Variants in ATG4C observed in about 807,000 individuals in gnomAD.
ATG4C encodes the protein autophagy related 4C cysteine peptidase.
In ATG4C, 56 loss-of-function variants were observed where a neutral mutation model predicts 57.6. The observed-to-expected ratio is 0.97, with a 90% CI of 0.78 to 1.21. The LOEUF is 1.21. Among genes scored for constraint, ATG4C ranks in the 50% most tolerant of loss-of-function variants. The probability of loss-of-function intolerance (pLI) is 0.00; values close to 1 mark genes in which losing one functional copy is unlikely to be tolerated. For missense variants in ATG4C, 595 were observed against 529.8 expected (o/e 1.12, Z -1.21); for synonymous variants, 157 against 174.1 (o/e 0.90, Z 0.78).
At chr1:62,823,273 C>T (rs889322323) in intron 6 of ATG4C, among the ~76,000 whole-genome samples, 2 of 152,210 alleles carry the variant, frequency 1.3e-5, no homozygotes, top group African/African-American at 4.8e-5. Flanking sequence ...TTTAAAAGTA[C>T]ACTTACTGTT....
At chr1:62,803,178 G>A (rs1664739942) in intron 1 of ATG4C, among the ~76,000 whole-genome samples, 1 of 152,242 alleles carries the variant, frequency 6.6e-6, no homozygotes, top group East Asian at 1.9e-4. Flanking sequence ...TTTAAGTGCT[G>A]CAGTATGGAG....
intron 7 of ATG4C, among the ~76,000 whole-genome samples, chr1:62,833,553 A>ATT (rs1471945765): frequency 6.6e-6 from 1 of 152,184 alleles, no homozygotes; most frequent in Non-Finnish European, 1.5e-5. Context: ...AGCATAAAAA[A>ATT]TTTGAGTGAA....
chr1:62,806,946 T>C (rs951351764), intron 3 of ATG4C, among the ~76,000 whole-genome samples: 9 of 152,250 alleles, frequency 5.9e-5, no homozygotes, highest in African/African-American at 1.7e-4. Flanking sequence ...ATATCATTTT[T>C]GGTTCAAACA....
rs570880678 is a variant in ATG4C at position 62,801,121 on chromosome 1, A to G, written c.-68-2598A>G. ...TTTCAGCATATGCTGCATGTGAAGT[A>G]GTAAAAGAGGAAGCTGAGTAAGTAG... On this transcript the variant is annotated intron_variant, in intron 1 of 10. Transcript: ENST00000317868. Among the ~76,000 whole-genome samples the G allele has an allele frequency of 9.2e-5, 14 of 152,338 alleles. No homozygotes were observed. In the East Asian group the frequency reaches 2.7e-3, roughly 29 times the overall value.
rs577132918 is a variant in ATG4C, at chr1:62,822,823, T to A, written c.796+1614T>A. ...TTGCATCTATTTTTATGGCTTTAAA[T>A]ACTTAGGACTATGTACTCTATACTA... On this transcript the variant is annotated intron_variant, in intron 6 of 10. Coordinates refer to ENST00000317868, the MANE Select transcript of ATG4C (RefSeq NM_032852.4). Among the ~76,000 whole-genome samples, 100 of 152,336 alleles carry A rather than the reference T, an allele frequency of 6.6e-4. 2 individuals carry two copies. In the South Asian group the frequency reaches 6.6e-3, roughly 10 times the overall value.
rs147581076 is a variant in ATG4C at position 62,854,528 on chromosome 1, C to T, written c.1210-9464C>T. ...TCCTGACCTTGTGATCCTCCCACCTCGGCCTCCCAAAGTGCTGGGATTACA... is the reference window on the plus strand; with the variant it reads ...TCCTGACCTTGTGATCCTCCCACCTTGGCCTCCCAAAGTGCTGGGATTACA... On this transcript the variant is annotated intron_variant, in intron 10 of 10. Coordinates refer to ENST00000317868, the MANE Select transcript of ATG4C (RefSeq NM_032852.4). 6.6e-4 allele frequency among the ~76,000 whole-genome samples: 100 copies of T among 152,210 alleles called. 1 individual carries two copies. In the East Asian group the frequency reaches 0.015, roughly 24 times the overall value.
At chr1:62,856,983 C>T (rs934989935) in intron 10 of ATG4C, among the ~76,000 whole-genome samples, 3 of 152,168 alleles carry the variant, frequency 2.0e-5, no homozygotes, top group African/African-American at 7.2e-5. Context: ...CTGCAAGCCA[C>T]GCTGGCTTGC....
chr1:62,838,584 C>G (rs1474562197), intron 9 of ATG4C, among the ~76,000 whole-genome samples: 3 of 152,034 alleles, frequency 2.0e-5, no homozygotes, highest in African/African-American at 7.2e-5. Context: ...TTGAGACCAG[C>G]CTGGCCAACA....
At chr1:62,799,611 A>G (rs1300175506) in intron 1 of ATG4C, among the ~76,000 whole-genome samples, 5 of 152,144 alleles carry the variant, frequency 3.3e-5, no homozygotes, top group Non-Finnish European at 7.4e-5. Flanking sequence ...CTATCACAGC[A>G]TCTTAATTTT....
At chr1:62,805,602 T>A (rs1210191640) in intron 3 of ATG4C, among the ~76,000 whole-genome samples, 1 of 152,200 alleles carries the variant, frequency 6.6e-6, no homozygotes, top group Non-Finnish European at 1.5e-5. Flanking sequence ...CTTAAGGATG[T>A]TTCAGTATCT....
At chr1:62,809,556 T>C (rs1665001096) in intron 3 of ATG4C, among the ~76,000 whole-genome samples, 1 of 147,102 alleles carries the variant, frequency 6.8e-6, no homozygotes, top group Non-Finnish European at 1.5e-5. Flanking sequence ...TCACTTAATG[T>C]AATATATAAT....
At chr1:62,811,929 C>T (rs1665099190) in intron 3 of ATG4C, among the ~76,000 whole-genome samples, 1 of 152,114 alleles carries the variant, frequency 6.6e-6, no homozygotes, top group African/African-American at 2.4e-5. Context: ...TTTTATTATA[C>T]ATCATTTTGC....
At position 62,841,448 on chromosome 1, in the gene ATG4C, CA is replaced by C. The variant is rs1557986701; in HGVS notation, c.1115del (p.Lys372ArgfsTer13). The C allele has an allele frequency of 1.9e-6, 3 of 1,606,732 alleles. No individual in the cohort carries two copies. The highest frequency in any genetic ancestry group is 2.2e-5 in the South Asian group (2 of 89,458). On this transcript the variant is annotated frameshift_variant, in exon 10 of 11. Coordinates refer to ENST00000317868, the MANE Select transcript of ATG4C (RefSeq NM_032852.4). LOFTEE classifies it high-confidence loss of function. ...TACAGACATTCCACTGCCCTTCTCCCAAAAAGATGTCTTTTCGAAAAATGGA... is the reference window on the plus strand; with the variant it reads ...TACAGACATTCCACTGCCCTTCTCCCAAAAGATGTCTTTTCGAAAAATGGA... ...PLETFHCPSP[K>X]KMSFRKMDPS...
rs117723319 is a variant in ATG4C, at chr1:62,849,362, T to C, written c.1209+7815T>C. Among the ~76,000 whole-genome samples the C allele has an allele frequency of 4.5e-4, 68 of 152,344 alleles. No homozygotes were observed. In the East Asian group the frequency reaches 0.011, roughly 24 times the overall value. ...TAGAATTCCATGTTAACAGTTGTTT[T>C]CTTTCAGTATCTTAAAGATATTTAT... On this transcript the variant is annotated intron_variant, in intron 10 of 10. Coordinates refer to ENST00000317868, the MANE Select transcript of ATG4C (RefSeq NM_032852.4).
rs148811193 is a variant in ATG4C at position 62,864,137 on chromosome 1, C to T, written c.1355C>T (p.Thr452Met). Residue 452 changes from threonine (T) to methionine (M), a missense_variant, in exon 11 of 11, where the codon ACG (threonine) becomes ATG (methionine). Physicochemically the swap from Thr to Met is moderately conservative, Grantham distance 81. Coordinates refer to ENST00000317868, the MANE Select transcript of ATG4C (RefSeq NM_032852.4). ...AAGAAACAATTAAAAAGATTTAGCA[C>T]GGAAGAGTTTGTCTTGCTTTAAAGA... ...DEKKQLKRFS[T>M]EEFVLL The T allele has an allele frequency of 5.2e-5, 84 of 1,602,664 alleles. No homozygotes were observed. Among genetic ancestry groups the T allele is most frequent in the Admixed American group, 3.5e-4 (20 of 56,860 alleles).
At chr1:62,799,206 CA>C in intron 1 of ATG4C, among the ~76,000 whole-genome samples, 1 of 152,258 alleles carries the variant, frequency 6.6e-6, no homozygotes, top group South Asian at 2.1e-4. Flanking sequence ...TGTGAGCCAC[CA>C]CACCAGGCTC....
intron 10 of ATG4C, among the ~76,000 whole-genome samples, chr1:62,852,080 T>A (rs1357560262): frequency 6.6e-6 from 1 of 152,210 alleles, no homozygotes; most frequent in Non-Finnish European, 1.5e-5. Context: ...ATTCATTCAT[T>A]CATTCATTCA....
intron 10 of ATG4C, among the ~76,000 whole-genome samples, chr1:62,860,914 T>C (rs1666831861): frequency 6.6e-6 from 1 of 152,224 alleles, no homozygotes; most frequent in African/African-American, 2.4e-5. Flanking sequence ...TACCAACTAC[T>C]AGCTTTATTA....
In ATG4C at chr1:62,864,115, A is replaced by T; in HGVS notation, c.1333A>T (p.Lys445Ter). Reference sequence around the variant, plus strand: ...AGACCTTTTTTCAGAGGATGAAAAGAAACAATTAAAAAGATTTAGCACGGA... The same window carrying T: ...AGACCTTTTTTCAGAGGATGAAAAGTAACAATTAAAAAGATTTAGCACGGA... Reference protein sequence around the residue: ...EEDLFSEDEKKQLKRFSTEEF... With the variant: ...EEDLFSEDEK The change falls in exon 11 of 11, where the codon AAA becomes TAA. Residue 445 changes from lysine to a stop codon, truncating the protein, a stop_gained. Coordinates refer to ENST00000317868, the MANE Select transcript of ATG4C (RefSeq NM_032852.4). LOFTEE classifies it high-confidence loss of function. 1 of 1,607,866 alleles carries T rather than the reference A, an allele frequency of 6.2e-7. No homozygotes were observed.
Sources: allele counts gnomAD v4.1 joint callset (sites outside exome capture counted in the v4.1 genomes callset), GRCh38; gene constraint gnomAD v4.1.1; transcripts MANE v1.5; gene names NCBI Gene and HGNC (gene_info 2026-07-23, HGNC 2026-07-21).